The following CHRNB4 variants were observed in gnomAD, a reference collection of about 807,000 sequenced individuals.
CHRNB4 encodes neuronal acetylcholine receptor subunit beta-4.
A neutral mutation model predicts 40.4 loss-of-function variants in CHRNB4; 23 were observed. The ratio of observed to expected loss-of-function variants is 0.57; its 90% CI spans 0.41 to 0.81. The LOEUF (loss-of-function observed/expected upper bound fraction) is 0.81, where lower values mean the gene tolerates loss of function less well. Among genes scored for constraint, CHRNB4 ranks in the 30% least tolerant of loss-of-function variants. The probability of loss-of-function intolerance (pLI) is 0.00; values close to 1 mark genes in which losing one functional copy is unlikely to be tolerated. For missense variants in CHRNB4, 568 were observed against 670.6 expected, an observed-to-expected ratio of 0.85 and a Z score of 1.69; for synonymous variants, 285 against 274.4, an observed-to-expected ratio of 1.04 and a Z score of -0.38.
intron 6 of CHRNB4, among the ~76,000 whole-genome samples, chr15:78,650,077 C>T (rs2054159837): frequency 1.3e-5 from 2 of 152,156 alleles, no homozygotes; most frequent in South Asian, 4.1e-4. Flanking sequence ...GGGCAGGCGC[C>T]CTCCCTGCTG....
intron 2 of CHRNB4, among the ~76,000 whole-genome samples, chr15:78,632,171 C>CTCTTTCTT (rs1274535496): frequency 6.5e-3 from 29 of 4,446 alleles, no homozygotes; most frequent in Admixed American, 7.6e-3. Context: ...TCTTTTCTTT[C>CTCTTTCTT]TCTTTCTTTC....
upstream of CHRNB4, among the ~76,000 whole-genome samples, chr15:78,642,860 A>G (rs1198184033): frequency 2.0e-5 from 3 of 152,194 alleles, no homozygotes; most frequent in Non-Finnish European, 4.4e-5. Context: ...TGTCACAGAG[A>G]GACAGCACAG....
chr15:78,642,571 G>A (rs1268268306), upstream of CHRNB4, among the ~76,000 whole-genome samples: 3 of 152,116 alleles, frequency 2.0e-5, no homozygotes, highest in Non-Finnish European at 4.4e-5. Context: ...CTGCTGATCC[G>A]TGGTCTGTAT....
intron 1 of CHRNB4, among the ~76,000 whole-genome samples, chr15:78,637,724 G>A (rs985844890): frequency 1.3e-5 from 2 of 152,168 alleles, no homozygotes; most frequent in Admixed American, 6.5e-5. Flanking sequence ...CCACCCTGCC[G>A]ACTTCATCCA....
At position 78,635,362 on chromosome 15, in the gene CHRNB4, G is replaced by T; in HGVS notation, c.204+77C>A. On this transcript the variant is annotated intron_variant, in intron 2 of 5. Coordinates refer to ENST00000261751, the MANE Select transcript of CHRNB4 (RefSeq NM_000750.5). The stretch of plus-strand genomic sequence containing the variant: ...TCAACTATAGTAGTTTCATTCCTTT[G>T]ACCAATGATCGCCTGGGGCTTGGGC... The T allele has an allele frequency of 1.9e-6, 3 of 1,554,754 alleles. No homozygotes were observed. The South Asian group carries it at 3.6e-5, about 19-fold the overall frequency.
rs766426882 is a variant in CHRNB4, at chr15:78,635,517, G to T, written c.126C>A (p.Asn42Lys). Residue 42 changes from asparagine to lysine, a missense_variant, in exon 2 of 6, where the codon AAC becomes AAA. Coordinates refer to ENST00000261751, the MANE Select transcript of CHRNB4 (RefSeq NM_000750.5). ...DDLLNKTRYN[N>K]LIRPATSSSQ... ...AGGAGCTGGTGGCTGGGCGGATCAG[G>T]TTATTGTAACGGGTTTTGTTCAGAA... is the stretch of plus-strand genomic sequence containing the variant. The T allele has an allele frequency of 6.2e-7, 1 of 1,614,200 alleles. No individual in the cohort carries two copies. Among genetic ancestry groups the T allele is most frequent in the South Asian group, 1.1e-5 (1 of 91,076 alleles).
At chr15:78,646,580 G>T (rs925438629) in intron 7 of CHRNB4, among the ~76,000 whole-genome samples, 14 of 152,156 alleles carry the variant, frequency 9.2e-5, no homozygotes, top group African/African-American at 2.4e-4. Context: ...GTCGGCTCTT[G>T]GTGAGGGCCC....
At chr15:78,631,028 C>T (rs1264844644) in intron 4 of CHRNB4, 48 bp downstream of exon 4, 2 of 1,481,962 alleles carry the variant, frequency 1.3e-6, no homozygotes, top group Non-Finnish European at 1.9e-6. Context: ...GCTGGGCCTG[C>T]TGCCCTGGCC....
At chr15:78,633,373 T>C (rs1215451557) in intron 2 of CHRNB4, among the ~76,000 whole-genome samples, 1 of 152,212 alleles carries the variant, frequency 6.6e-6, no homozygotes, top group Non-Finnish European at 1.5e-5. Flanking sequence ...AAAGTTCTGA[T>C]AGGTACCCAG....
chr15:78,645,520 A>G (rs2054115714), upstream of CHRNB4, among the ~76,000 whole-genome samples: 1 of 152,142 alleles, frequency 6.6e-6, no homozygotes, highest in African/African-American at 2.4e-5. Context: ...GTTGGTGGAT[A>G]AATACCACAG....
At chr15:78,650,396 GCT>G (rs2054162625) in intron 6 of CHRNB4, among the ~76,000 whole-genome samples, 1 of 152,172 alleles carries the variant, frequency 6.6e-6, no homozygotes. Context: ...GATTCATCCA[GCT>G]CTGTTTTCCT....
At chr15:78,640,911 C>A (rs2054057635) in intron 1 of CHRNB4, among the ~76,000 whole-genome samples, 168 bp downstream of exon 1, 1 of 152,236 alleles carries the variant, frequency 6.6e-6, no homozygotes, top group Non-Finnish European at 1.5e-5. Flanking sequence ...CCCGCCCCCG[C>A]TGCCTCAGCG....
rs1459133857 is a variant in CHRNB4, at chr15:78,629,918, G to C, written c.387C>G (p.Val129=). ...TGGACCGGACTATCAAGTTGGTGTAGACAGACACCTCATAGGTCCCGTCGG... is the reference window on the plus strand; with the variant it reads ...TGGACCGGACTATCAAGTTGGTGTACACAGACACCTCATAGGTCCCGTCGG... The part of the protein sequence containing the change: ...NNADGTYEVS[V]YTNLIVRSNG... The change falls in exon 5 of 6, where the codon GTC becomes GTG. Residue 129 remains valine, a synonymous_variant. Coordinates refer to ENST00000261751, the MANE Select transcript of CHRNB4 (RefSeq NM_000750.5). This position sits in a 1 kb window ranked among gnomAD's most constrained non-coding sequence, Gnocchi z 6.8. The C allele has an allele frequency of 6.2e-7, 1 of 1,603,810 alleles. No individual in the cohort carries two copies. The highest frequency in any genetic ancestry group is 1.7e-5 in the Admixed American group (1 of 59,398).
At position 78,631,817 on chromosome 15, in the gene CHRNB4, C is replaced by A. The variant is rs544454322; in HGVS notation, c.205-485G>T. ...GATCCCTTTACAATCTCAATCCCTT[C>A]TACTAATTGTTCTGCTGCCACATCT... On this transcript the variant is annotated intron_variant, in intron 2 of 5. Coordinates refer to ENST00000261751, the MANE Select transcript of CHRNB4 (RefSeq NM_000750.5). Among the ~76,000 whole-genome samples, 12 of 152,278 alleles carry A rather than the reference C, an allele frequency of 7.9e-5. No homozygotes were observed. The South Asian group carries it at 2.5e-3, about 32-fold the overall frequency.
At chr15:78,639,932 A>G (rs891052092) in intron 1 of CHRNB4, among the ~76,000 whole-genome samples, 13 of 152,232 alleles carry the variant, frequency 8.5e-5, no homozygotes, top group African/African-American at 3.1e-4. Context: ...TAGAAGAGCC[A>G]CGATACACAG....
Position 78,628,961 on chromosome 15 carries a change from A to C in CHRNB4, c.1338+6T>G. 1.2e-6 allele frequency: 2 copies of C among 1,606,144 alleles called. No homozygotes were observed. The highest frequency in any genetic ancestry group is 1.7e-6 in the Non-Finnish European group (2 of 1,173,902). ...GCAGGTGGGCAGGGGCTGGTTAGCAACTTACACTCTGGTCTTCATCGTCAT... is the reference window on the plus strand; with the variant it reads ...GCAGGTGGGCAGGGGCTGGTTAGCACCTTACACTCTGGTCTTCATCGTCAT... On this transcript the variant is annotated splice_donor_region_variant and intron_variant, in intron 5 of 5. Coordinates refer to ENST00000261751, the MANE Select transcript of CHRNB4 (RefSeq NM_000750.5).
At chr15:78,659,306 T>TA (rs1409364416) in intron 1 of CHRNB4, among the ~76,000 whole-genome samples, 4 of 152,096 alleles carry the variant, frequency 2.6e-5, no homozygotes, top group African/African-American at 9.7e-5. Context: ...TGATGGTTCA[T>TA]GCCTGTAGTC....
chr15:78,624,738 A>C lies in CHRNB4; in HGVS notation c.*395T>G. ...TGATATGGCAAATGCCAAGCCTCTG[A>C]GCTGGGAAGAATCTAGAAGTGTGTG... On this transcript the variant is annotated 3_prime_UTR_variant, in exon 6 of 6. Coordinates refer to ENST00000261751, the MANE Select transcript of CHRNB4 (RefSeq NM_000750.5). 2 of 433,920 alleles carry C rather than the reference A, an allele frequency of 4.6e-6. No homozygotes were observed. Among genetic ancestry groups the C allele is most frequent in the East Asian group, 6.7e-5 (2 of 29,994 alleles). 26.9% of individuals were successfully genotyped at this position (433,920 alleles called of 1,614,324 possible).
At chr15:78,630,985 C>T (rs1187289680) in intron 4 of CHRNB4, 91 bp downstream of exon 4, 5 of 974,868 alleles carry the variant, frequency 5.1e-6, no homozygotes, top group Non-Finnish European at 8.1e-6. Flanking sequence ...AGATGGGGCT[C>T]AGGGTTGGAC....
Sources: gnomAD v4.1 joint callset for allele counts (sites outside exome capture counted in the v4.1 genomes callset) on GRCh38, gnomAD v4.1.1 for gene constraint, Gnocchi (gnomAD v3.1) non-coding constraint, MANE v1.5 for transcripts, NCBI Gene and HGNC (gene_info 2026-07-23, HGNC 2026-07-21) for gene names.